RRBP1: variants seen among roughly 807,000 people sequenced by gnomAD.
RRBP1 encodes the protein ribosome-binding protein 1.
A neutral mutation model predicts 165.2 loss-of-function variants in RRBP1; 94 were observed. The observed-to-expected ratio is 0.57, with a 90% CI of 0.48 to 0.68. The LOEUF is 0.68. Among genes scored for constraint, RRBP1 ranks in the 30% least tolerant of loss-of-function variants. The pLI, the probability that RRBP1 is intolerant of heterozygous loss-of-function variation, is 0.00. For missense variants in RRBP1, 1,676 were observed against 1,763.0 expected, an observed-to-expected ratio of 0.95 and a Z score of 0.88; for synonymous variants, 680 against 714.5, an observed-to-expected ratio of 0.95 and a Z score of 0.77.
At chr20:17,653,373 G>A (rs568839813) in intron 3 of RRBP1, among the ~76,000 whole-genome samples, 1 of 152,372 alleles carries the variant, frequency 6.6e-6, no homozygotes, top group Middle Eastern at 3.4e-3. Context: ...TGGCTTAGGG[G>A]TTGGGCCCCC....
chr20:17,641,145 G>A (rs928553956), intron 5 of RRBP1, among the ~76,000 whole-genome samples: 6 of 152,210 alleles, frequency 3.9e-5, no homozygotes, highest in Non-Finnish European at 7.3e-5. Context: ...GAAAGACCCC[G>A]GTGAATTCTG....
intron 23 of RRBP1, among the ~76,000 whole-genome samples, 200 bp from the exon 24 acceptor site, chr20:17,615,080 A>G (rs1325510376): frequency 6.6e-6 from 1 of 152,184 alleles, no homozygotes; most frequent in Non-Finnish European, 1.5e-5. Context: ...CTGTGCTCTC[A>G]GCACCACCAG....
At position 17,614,849 on chromosome 20, in the gene RRBP1, CTTG is replaced by C; in HGVS notation, c.4079_4081del (p.Thr1360del). ...TCTCGTGGCGGCGCGCCCCAGGTCA[CTTG>C]TTAACTTCTTCTCTTTTTCTAGTCT... On this transcript the variant is annotated inframe_deletion, in exon 24 of 25. Transcript: ENST00000377813. 1 of 1,613,820 alleles carries C rather than the reference CTTG, an allele frequency of 6.2e-7. No individual in the cohort carries two copies. Among genetic ancestry groups the C allele is most frequent in the Non-Finnish European group, 8.5e-7 (1 of 1,180,010 alleles).
At chr20:17,629,697 G>A in intron 9 of RRBP1, 126 bp downstream of exon 9, 1 of 991,114 alleles carries the variant, frequency 1.0e-6, no homozygotes, top group Non-Finnish European at 1.5e-6. Context: ...GGGCAGTCAA[G>A]GGATCCGTGC....
intron 3 of RRBP1, among the ~76,000 whole-genome samples, chr20:17,649,822 C>T (rs767875220): frequency 8.5e-5 from 13 of 152,090 alleles, no homozygotes; most frequent in African/African-American, 1.2e-4. Context: ...AGACTGCACA[C>T]GACACAGAGC....
intron 8 of RRBP1, among the ~76,000 whole-genome samples, chr20:17,631,194 G>A (rs539116865): frequency 7.9e-5 from 12 of 152,366 alleles, no homozygotes; most frequent in South Asian, 4.1e-4. Flanking sequence ...TCTGCCAGGT[G>A]TCCCGGGCAG....
At chr20:17,629,612 A>G (rs1264548337) in intron 9 of RRBP1, among the ~76,000 whole-genome samples, 2 of 144,608 alleles carry the variant, frequency 1.4e-5, no homozygotes, top group Non-Finnish European at 3.0e-5. Flanking sequence ...CCACCTCTGG[A>G]CTGCGCCTAT....
intron 8 of RRBP1, among the ~76,000 whole-genome samples, chr20:17,632,862 T>C (rs2036178741): frequency 6.6e-6 from 1 of 151,948 alleles, no homozygotes; most frequent in African/African-American, 2.4e-5. Context: ...GGGACAATCT[T>C]CCTCCCTCTG....
intron 20 of RRBP1, among the ~76,000 whole-genome samples, chr20:17,617,850 TA>T (rs1184047882): frequency 1.3e-5 from 2 of 152,284 alleles, no homozygotes; most frequent in East Asian, 1.9e-4. Flanking sequence ...ATTCAAGATT[TA>T]AAAAAACACC....
intron 3 of RRBP1, among the ~76,000 whole-genome samples, chr20:17,655,592 G>A (rs987599220): frequency 1.3e-5 from 2 of 152,104 alleles, no homozygotes; most frequent in African/African-American, 2.4e-5. Flanking sequence ...CGCATGCACC[G>A]AGGCCCTTGG....
intron 2 of RRBP1, among the ~76,000 whole-genome samples, chr20:17,664,495 G>C (rs1192427708): frequency 6.6e-6 from 1 of 152,214 alleles, no homozygotes; most frequent in African/African-American, 2.4e-5. Context: ...GGCCCCAAGA[G>C]GGAAGGATGT....
intron 3 of RRBP1, among the ~76,000 whole-genome samples, chr20:17,648,124 A>G (rs571346515): frequency 1.1e-4 from 17 of 152,258 alleles, no homozygotes; most frequent in African/African-American, 4.1e-4. Flanking sequence ...TGTCTCTCTC[A>G]ACCTGAGGAG....
At chr20:17,667,064 G>A (rs2036886089) in intron 2 of RRBP1, among the ~76,000 whole-genome samples, 1 of 152,204 alleles carries the variant, frequency 6.6e-6, no homozygotes, top group South Asian at 2.1e-4. Flanking sequence ...AGAAAAATCA[G>A]AGGTGATTCT....
At chr20:17,658,525 C>G (rs2036686500) in intron 3 of RRBP1, 71 bp downstream of exon 3, 3 of 1,346,546 alleles carry the variant, frequency 2.2e-6, no homozygotes, top group Non-Finnish European at 3.1e-6. Flanking sequence ...AGGTGGCACT[C>G]CCCGAGAGAA....
At chr20:17,673,056 G>A (rs2122503974) in intron 2 of RRBP1, among the ~76,000 whole-genome samples, 1 of 152,276 alleles carries the variant, frequency 6.6e-6, no homozygotes, top group Non-Finnish European at 1.5e-5. Flanking sequence ...GGTTAAACAG[G>A]CATGTTTAGC....
At chr20:17,634,110 T>G (rs1378336504) in intron 7 of RRBP1, among the ~76,000 whole-genome samples, 1 of 152,192 alleles carries the variant, frequency 6.6e-6, no homozygotes, top group Non-Finnish European at 1.5e-5. Context: ...AAGCTGGGTC[T>G]CAGGAGCTGG....
intron 3 of RRBP1, among the ~76,000 whole-genome samples, chr20:17,658,133 C>T (rs1308420948): frequency 6.6e-6 from 1 of 152,238 alleles, no homozygotes; most frequent in East Asian, 1.9e-4. Flanking sequence ...CCTCACCTCT[C>T]CTTTCTCACA....
At chr20:17,634,304 C>T (rs886994868) in intron 7 of RRBP1, among the ~76,000 whole-genome samples, 6 of 152,164 alleles carry the variant, frequency 3.9e-5, no homozygotes, top group African/African-American at 9.7e-5. Context: ...AACCCTGGGA[C>T]GCAGCACCAG....
intron 8 of RRBP1, among the ~76,000 whole-genome samples, chr20:17,630,909 A>C (rs1014877935): frequency 2.0e-5 from 3 of 152,198 alleles, no homozygotes; most frequent in African/African-American, 7.2e-5. Flanking sequence ...ATTTTCTTTT[A>C]GGGCAATGGC....
Sources: allele counts gnomAD v4.1 joint callset (sites outside exome capture counted in the v4.1 genomes callset), GRCh38; gene constraint gnomAD v4.1.1; transcripts MANE v1.5; gene names NCBI Gene and HGNC (gene_info 2026-07-23, HGNC 2026-07-21).